TSPAN5: variants seen among roughly 807,000 people sequenced by gnomAD.
TSPAN5 encodes the protein tetraspanin 5, also known as tetraspanin-5.
In TSPAN5, 10 loss-of-function variants were observed where a neutral mutation model predicts 37.1. The observed-to-expected ratio is 0.27, with a 90% CI of 0.17 to 0.46. The LOEUF (loss-of-function observed/expected upper bound fraction) is 0.46. Among genes scored for constraint, TSPAN5 ranks in the 20% least tolerant of loss-of-function variants. The probability of loss-of-function intolerance (pLI) is 1.00; values close to 1 mark genes in which losing one functional copy is unlikely to be tolerated. For missense variants in TSPAN5, 195 were observed against 326.6 expected, an observed-to-expected ratio of 0.60 and a Z score of 3.11; for synonymous variants, 110 against 118.9, an observed-to-expected ratio of 0.93 and a Z score of 0.48.
At chr4:98,571,525 G>A (rs897363170) in intron 1 of TSPAN5, among the ~76,000 whole-genome samples, 2 of 149,338 alleles carry the variant, frequency 1.3e-5, no homozygotes, top group Non-Finnish European at 3.0e-5. Flanking sequence ...CTACTAAACT[G>A]ATAACAGCAT....
At chr4:98,492,625 A>T (rs1035145790) in intron 2 of TSPAN5, among the ~76,000 whole-genome samples, 2 of 152,192 alleles carry the variant, frequency 1.3e-5, no homozygotes, top group African/African-American at 4.8e-5. Flanking sequence ...AAATGTGGGT[A>T]TAGGGAGCAA....
At chr4:98,622,738 T>G (rs963598956) in intron 1 of TSPAN5, among the ~76,000 whole-genome samples, 1 of 152,002 alleles carries the variant, frequency 6.6e-6, no homozygotes, top group South Asian at 2.1e-4. Flanking sequence ...AGCTCTGGAG[T>G]TAAACTTTGA....
At chr4:98,526,319 G>A (rs1753962812) in intron 1 of TSPAN5, among the ~76,000 whole-genome samples, 1 of 152,188 alleles carries the variant, frequency 6.6e-6, no homozygotes, top group African/African-American at 2.4e-5. Flanking sequence ...AGGCAGGCCA[G>A]GTGAAAACAT....
At chr4:98,476,042 A>C in intron 7 of TSPAN5, 147 bp downstream of exon 7, 1 of 457,670 alleles carries the variant, frequency 2.2e-6, no homozygotes, top group Non-Finnish European at 3.9e-6. Context: ...ATAAAACACA[A>C]ACCAAATCGT....
intron 1 of TSPAN5, among the ~76,000 whole-genome samples, chr4:98,601,411 T>G (rs187998531): frequency 4.3e-4 from 65 of 152,364 alleles, no homozygotes; most frequent in African/African-American, 1.5e-3. Context: ...TAGCTAGATC[T>G]TCTGGATAAC....
At chr4:98,516,826 C>A (rs777853445) in intron 1 of TSPAN5, among the ~76,000 whole-genome samples, 5 of 152,164 alleles carry the variant, frequency 3.3e-5, no homozygotes, top group Non-Finnish European at 5.9e-5. Context: ...AGTTGGTTGG[C>A]ATTAAGTGAG....
At chr4:98,590,476 C>T (rs1295978429) in intron 1 of TSPAN5, among the ~76,000 whole-genome samples, 1 of 151,994 alleles carries the variant, frequency 6.6e-6, no homozygotes, top group Non-Finnish European at 1.5e-5. Context: ...TTTGGGAGGC[C>T]GAGGTGGGCA....
intron 7 of TSPAN5, among the ~76,000 whole-genome samples, 184 bp from the exon 8 acceptor site, chr4:98,472,771 A>G (rs908692380): frequency 6.6e-6 from 1 of 152,204 alleles, no homozygotes; most frequent in African/African-American, 2.4e-5. Context: ...CTATGCAACT[A>G]TCACCACTAT....
chr4:98,608,413 T>C (rs1043371257), intron 1 of TSPAN5, among the ~76,000 whole-genome samples: 5 of 152,068 alleles, frequency 3.3e-5, no homozygotes, highest in Non-Finnish European at 5.9e-5. Flanking sequence ...AAATGGCAGG[T>C]AAAATAAGTC....
chr4:98,480,022 T>G (rs1560505952), intron 4 of TSPAN5, among the ~76,000 whole-genome samples: 1 of 152,170 alleles, frequency 6.6e-6, no homozygotes, highest in African/African-American at 2.4e-5. Context: ...CAGTGCATTG[T>G]TGGCACTGCG....
chr4:98,584,563 A>G (rs1457885715), intron 1 of TSPAN5, among the ~76,000 whole-genome samples: 1 of 152,194 alleles, frequency 6.6e-6, no homozygotes, highest in East Asian at 1.9e-4. Context: ...ATTACACACC[A>G]TCTTCTACTT....
At chr4:98,592,421 G>GAT (rs1755661435) in intron 1 of TSPAN5, among the ~76,000 whole-genome samples, 1 of 95,280 alleles carries the variant, frequency 1.0e-5, no homozygotes, top group Non-Finnish European at 2.0e-5. Flanking sequence ...AGGGATCTCT[G>GAT]TTTTTTGTTT....
At chr4:98,556,568 TAG>T (rs1322156073) in intron 1 of TSPAN5, among the ~76,000 whole-genome samples, 1 of 152,200 alleles carries the variant, frequency 6.6e-6, no homozygotes, top group African/African-American at 2.4e-5. Flanking sequence ...AATAAAATAA[TAG>T]AGTTATTAAA....
intron 2 of TSPAN5, among the ~76,000 whole-genome samples, chr4:98,492,455 T>A (rs547754234): frequency 1.3e-5 from 2 of 152,210 alleles, no homozygotes; most frequent in Non-Finnish European, 2.9e-5. Flanking sequence ...CTCCCTTGAT[T>A]GCTTATGCTG....
At chr4:98,597,994 A>C (rs1755785518) in intron 1 of TSPAN5, among the ~76,000 whole-genome samples, 1 of 100,838 alleles carries the variant, frequency 9.9e-6, no homozygotes, top group Non-Finnish European at 1.9e-5. Flanking sequence ...TGCTTTGTTT[A>C]CCTAAGCAAG....
chr4:98,512,858 G>A (rs888010174), intron 1 of TSPAN5, among the ~76,000 whole-genome samples: 15 of 152,178 alleles, frequency 9.9e-5, no homozygotes, highest in African/African-American at 3.4e-4. Context: ...AACAGTTCCT[G>A]CCTCCAATGA....
intron 1 of TSPAN5, among the ~76,000 whole-genome samples, chr4:98,644,822 C>T (rs1757028743): frequency 6.6e-6 from 1 of 152,134 alleles, no homozygotes; most frequent in South Asian, 2.1e-4. Context: ...GATGTAACTA[C>T]TCACTGGGCC....
At chr4:98,530,492 G>A (rs561830640) in intron 1 of TSPAN5, among the ~76,000 whole-genome samples, 15 of 152,164 alleles carry the variant, frequency 9.9e-5, no homozygotes, top group Admixed American at 2.0e-4. Flanking sequence ...AGCCACAGCC[G>A]TTTCCACTTT....
intron 1 of TSPAN5, among the ~76,000 whole-genome samples, chr4:98,551,432 G>A (rs1490409577): frequency 1.4e-5 from 2 of 143,496 alleles, no homozygotes; most frequent in African/African-American, 5.2e-5. Flanking sequence ...TTTTTTTTTG[G>A]AATAGTTTCA....
Sources: gnomAD v4.1 joint callset for allele counts (sites outside exome capture counted in the v4.1 genomes callset) on GRCh38, gnomAD v4.1.1 for gene constraint, MANE v1.5 for transcripts, NCBI Gene and HGNC (gene_info 2026-07-23, HGNC 2026-07-21) for gene names.